Variants in SLC4A4 observed in about 807,000 individuals in gnomAD.
SLC4A4 encodes electrogenic sodium bicarbonate cotransporter 1.
SLC4A4 carries 27 observed loss-of-function variants against 111.5 expected under a neutral mutation model. The observed-to-expected ratio is 0.24, with a 90% CI of 0.18 to 0.33. The LOEUF (loss-of-function observed/expected upper bound fraction) is 0.33, where lower values mean the gene tolerates loss of function less well. SLC4A4 is among the 10% of genes least tolerant of loss of function. SLC4A4 has a pLI of 1.00. For missense variants in SLC4A4, 909 were observed against 1,315.5 expected, an observed-to-expected ratio of 0.69 and a Z score of 4.78; for synonymous variants, 443 against 463.4, an observed-to-expected ratio of 0.96 and a Z score of 0.57.
chr4:71,377,055 C>T (rs539582575), intron 6 of SLC4A4, among the ~76,000 whole-genome samples: 17 of 152,180 alleles, frequency 1.1e-4, no homozygotes, highest in Admixed American at 4.6e-4. Flanking sequence ...TATGTTAACA[C>T]GCAATGGTTT....
At chr4:71,289,432 A>G (rs1724163143) in intron 3 of SLC4A4, among the ~76,000 whole-genome samples, 1 of 152,252 alleles carries the variant, frequency 6.6e-6, no homozygotes, top group African/African-American at 2.4e-5. Flanking sequence ...AAGTAGTACC[A>G]ACATATTCTA....
rs78939943 is a variant in SLC4A4 at position 71,482,616 on chromosome 4, G to A, written c.1904-4332G>A. Among the ~76,000 whole-genome samples the A allele has an allele frequency of 8.6e-4, 131 of 151,592 alleles. 1 individual carries two copies. In the East Asian group the frequency reaches 0.022, roughly 26 times the overall value. ...GTTGCAAAAAGACCTTCAAACTCTC[G>A]TGACAGGAAGCTGATAAAATTGCAT... On this transcript the variant is annotated intron_variant, in intron 14 of 25. Transcript: ENST00000264485.
intron 1 of SLC4A4, among the ~76,000 whole-genome samples, chr4:71,188,921 A>G (rs1745611335): frequency 6.6e-6 from 1 of 152,246 alleles, no homozygotes; most frequent in African/African-American, 2.4e-5. Context: ...TTTTAAAGTT[A>G]AAAGTACTGA....
rs10657146 is a variant in SLC4A4, at chr4:71,268,075, G to GTTTTTTT, written c.253+12692_253+12698dup. Among the ~76,000 whole-genome samples, 596 of 87,540 alleles carry GTTTTTTT rather than the reference G, an allele frequency of 6.8e-3. 39 individuals are homozygous for GTTTTTTT. The highest frequency in any genetic ancestry group is 7.8e-3 in the Non-Finnish European group (391 of 50,088). The allele number at this position is 87,540 out of a possible 152,430, so 57.4% of individuals were successfully genotyped here. A position where few individuals can be genotyped will look rare whatever the true frequency, so the allele number is the denominator to read the frequency against. On this transcript the variant is annotated intron_variant, in intron 3 of 25. Transcript: ENST00000264485. Reference sequence around the variant, plus strand: ...ATATCAGTGTGCCAAATAAAGTAGTGTTTTTTTTTTTTTTTTTTTTTTGCC... The same window carrying GTTTTTTT: ...ATATCAGTGTGCCAAATAAAGTAGTGTTTTTTTTTTTTTTTTTTTTTTTTTTTTTGCC...
At chr4:71,156,601 C>CAT (rs1665644534) in intron 2 of SLC4A4, among the ~76,000 whole-genome samples, 4 of 150,934 alleles carry the variant, frequency 2.7e-5, no homozygotes, top group African/African-American at 4.9e-5. Flanking sequence ...CACACACACA[C>CAT]ACACACACAC....
chr4:71,446,279 G>T lies in SLC4A4; in HGVS notation c.966-1367G>T, dbSNP rs541808178. Among the ~76,000 whole-genome samples the T allele has an allele frequency of 4.6e-5, 7 of 152,138 alleles. No homozygotes were observed. The South Asian group carries it at 1.5e-3, about 32-fold the overall frequency. On this transcript the variant is annotated intron_variant, in intron 8 of 25. Coordinates refer to ENST00000264485, the MANE Select transcript of SLC4A4 (RefSeq NM_001098484.3). ...CAATCCTTTTTTATTTGAAGTGAGG[G>T]ATATAAATAAGTAAGTTAAAAATAA... is the stretch of plus-strand genomic sequence containing the variant.
intron 2 of SLC4A4, among the ~76,000 whole-genome samples, chr4:71,173,488 C>T (rs755945688): frequency 1.6e-4 from 25 of 152,174 alleles, no homozygotes; most frequent in Admixed American, 2.6e-4. Context: ...TTAAGTGATT[C>T]TCCTGCCTCA....
At chr4:71,079,965 G>A (rs1310680032) in intron 1 of SLC4A4, among the ~76,000 whole-genome samples, 3 of 151,928 alleles carry the variant, frequency 2.0e-5, no homozygotes, top group African/African-American at 4.8e-5. Context: ...AGAGAAATGC[G>A]GGCAAGCAGT....
intron 6 of SLC4A4, among the ~76,000 whole-genome samples, chr4:71,387,259 G>T (rs1327767306): frequency 6.6e-6 from 1 of 152,052 alleles, no homozygotes; most frequent in African/African-American, 2.4e-5. Context: ...TAGCATAAAT[G>T]GTGTCATGTT....
chr4:71,224,010 G>A (rs1360555512), intron 1 of SLC4A4, among the ~76,000 whole-genome samples: 1 of 151,920 alleles, frequency 6.6e-6, no homozygotes, highest in Non-Finnish European at 1.5e-5. Flanking sequence ...TTACCTCTCC[G>A]GAGCCCGTGT....
chr4:71,468,794 C>G lies in SLC4A4; in HGVS notation c.1631+2217C>G, dbSNP rs190439762. 4.0e-3 allele frequency among the ~76,000 whole-genome samples: 603 copies of G among 151,692 alleles called. 4 individuals are homozygous for G. The highest frequency in any genetic ancestry group is 0.013 in the African/African-American group (549 of 41,462). On this transcript the variant is annotated intron_variant, in intron 13 of 25. Coordinates refer to ENST00000264485, the MANE Select transcript of SLC4A4 (RefSeq NM_001098484.3). ...GGGAAGTGCTGTATACTATATACCCCCCTCTTGGTAGTTCACTTTAGACTT... is the reference window on the plus strand; with the variant it reads ...GGGAAGTGCTGTATACTATATACCCGCCTCTTGGTAGTTCACTTTAGACTT...
rs188779463 is a variant in SLC4A4, at chr4:71,118,591, C to T, written c.-2+25799C>T. Among the ~76,000 whole-genome samples, 3 of 152,134 alleles carry T rather than the reference C, an allele frequency of 2.0e-5. 1 individual carries two copies. Among genetic ancestry groups the T allele is most frequent in the South Asian group, 2.1e-4 (1 of 4,830 alleles). On this transcript the variant is annotated intron_variant, in intron 2 of 26. Transcript: ENST00000649996. ...TTTAAAATTTCCTTTACTTGAAGGT[C>T]TATTTGTAGTAAAATGCTCCTATTT...
At chr4:71,408,695 C>T (rs1721094316) in intron 7 of SLC4A4, among the ~76,000 whole-genome samples, 1 of 152,216 alleles carries the variant, frequency 6.6e-6, no homozygotes, top group East Asian at 1.9e-4. Context: ...CCAAGTCTTA[C>T]CTTTACTTCA....
At chr4:71,116,448 A>G (rs1158225994) in intron 2 of SLC4A4, among the ~76,000 whole-genome samples, 4 of 152,220 alleles carry the variant, frequency 2.6e-5, no homozygotes, top group African/African-American at 9.6e-5. Context: ...CTGCACACCT[A>G]CAGCCACACA....
chr4:71,540,675 A>G (rs1734957373), intron 18 of SLC4A4, among the ~76,000 whole-genome samples: 3 of 152,140 alleles, frequency 2.0e-5, no homozygotes, highest in Admixed American at 2.0e-4. Flanking sequence ...TTACAACACC[A>G]AGGTTGGAAT....
intron 18 of SLC4A4, among the ~76,000 whole-genome samples, chr4:71,544,332 G>A (rs762341194): frequency 6.6e-6 from 1 of 151,936 alleles, no homozygotes; most frequent in Non-Finnish European, 1.5e-5. Context: ...GGGTAGAAGA[G>A]GCTATGTTGG....
intron 2 of SLC4A4, among the ~76,000 whole-genome samples, chr4:71,143,336 T>C (rs1395454269): frequency 2.6e-5 from 4 of 152,196 alleles, no homozygotes; most frequent in Non-Finnish European, 5.9e-5. Flanking sequence ...ATTTTCTTAA[T>C]CCAGTCTATC....
chr4:71,126,601 GAAT>G (rs1438232520), intron 2 of SLC4A4, among the ~76,000 whole-genome samples: 4 of 152,178 alleles, frequency 2.6e-5, no homozygotes, highest in African/African-American at 9.6e-5. Context: ...ATGAACAAAG[GAAT>G]AATAAGTTCT....
At chr4:71,401,391 G>T (rs765221215) in intron 7 of SLC4A4, among the ~76,000 whole-genome samples, 1 of 152,132 alleles carries the variant, frequency 6.6e-6, no homozygotes, top group African/African-American at 2.4e-5. Context: ...TTCCAACTTG[G>T]ATGTTATATT....
Sources: gnomAD v4.1 joint callset for allele counts (sites outside exome capture counted in the v4.1 genomes callset) on GRCh38, gnomAD v4.1.1 for gene constraint, MANE v1.5 for transcripts, NCBI Gene and HGNC (gene_info 2026-07-23, HGNC 2026-07-21) for gene names.